PCDHGA2: variants seen among roughly 807,000 people sequenced by gnomAD.
PCDHGA2 encodes the protein protocadherin gamma subfamily A, 2.
Under a neutral mutation model 59.2 loss-of-function variants are expected in PCDHGA2, and 40 were observed. That is an observed-to-expected ratio of 0.68 (90% CI 0.52 to 0.88). The LOEUF (loss-of-function observed/expected upper bound fraction) is 0.88. PCDHGA2 is among the 40% of genes least tolerant of loss of function. The pLI is 0.00. For synonymous variants in PCDHGA2, 560 were observed against 526.0 expected (o/e 1.06, Z -0.89); for missense variants, 1,226 against 1,204.0 (o/e 1.02, Z -0.27).
Position 141,339,911 on chromosome 5 carries a change from T to C in PCDHGA2, c.940T>C (p.Phe314Leu), listed in dbSNP as rs200811046. 4.3e-5 allele frequency: 69 copies of C among 1,614,012 alleles called. No homozygotes were observed. Among genetic ancestry groups the C allele is most frequent in the Non-Finnish European group, 5.3e-5 (62 of 1,180,006 alleles). Residue 314 changes from phenylalanine to leucine, a missense_variant, in exon 1 of 4, where the codon TTC becomes CTC. Coordinates refer to ENST00000394576, the MANE Select transcript of PCDHGA2 (RefSeq NM_018915.4). ...AGATCTAGATTATGAGGATGCTACA[T>C]TCCATGAAATTGATATTGAAGCTCA... ...IKDLDYEDATFHEIDIEAQDG... is the reference protein window; with the variant it reads ...IKDLDYEDATLHEIDIEAQDG...
Position 141,433,059 on chromosome 5 carries a change from A to G in PCDHGA2, c.2425-61748A>G, listed in dbSNP as rs745951077. 1.1e-5 allele frequency: 18 copies of G among 1,614,000 alleles called. No individual in the cohort carries two copies. In the East Asian group the frequency reaches 3.8e-4, roughly 34 times the overall value. On this transcript the variant is annotated intron_variant, in intron 1 of 3. Transcript: ENST00000394576. ...CTCACCACGGACTCGCGGAAGAGTC[A>G]CCTGATCTTCCCCCAGCCCAACTAT...
chr5:141,356,912 G>T (rs376285031), intron 1 of PCDHGA2: 2 of 1,614,130 alleles, frequency 1.2e-6, no homozygotes, highest in South Asian at 1.1e-5. Context: ...CCTACTGATG[G>T]CTCCACTGGT....
At chr5:141,467,103 AGTACAATG>A (rs1438695307) in intron 1 of PCDHGA2, among the ~76,000 whole-genome samples, 1 of 147,462 alleles carries the variant, frequency 6.8e-6, no homozygotes, top group East Asian at 2.0e-4. Flanking sequence ...CACAGGCTGG[AGTACAATG>A]GTGCAATCTC....
At chr5:141,409,276 G>A (rs1458443407) in intron 1 of PCDHGA2, 5 of 1,613,882 alleles carry the variant, frequency 3.1e-6, no homozygotes, top group African/African-American at 2.7e-5. Context: ...AGATTTTGGA[G>A]AATTCACCTC....
intron 1 of PCDHGA2, chr5:141,377,207 A>G (rs1170353646): frequency 6.6e-6 from 1 of 152,122 alleles, no homozygotes; most frequent in Non-Finnish European, 1.5e-5. Context: ...GATTGAGTAC[A>G]TCTCGTTTCT....
At position 141,490,874 on chromosome 5, in the gene PCDHGA2, A is replaced by T. The variant is rs368927472; in HGVS notation, c.2425-3933A>T. 2 of 1,613,948 alleles carry T rather than the reference A, an allele frequency of 1.2e-6. No homozygotes were observed. Among genetic ancestry groups the T allele is most frequent in the Non-Finnish European group, 1.7e-6 (2 of 1,179,952 alleles). On this transcript the variant is annotated intron_variant, in intron 1 of 3. Transcript: ENST00000394576. The surrounding 1 kb of genome is among the most constrained non-coding windows in gnomAD (Gnocchi z 5.4). The stretch of plus-strand genomic sequence containing the variant: ...CGAGACTCCGGCTCTCCCCCATTGC[A>T]TGCCAACACATCTCTGCATGTGTTT...
chr5:141,364,822 G>GA, intron 1 of PCDHGA2: 1 of 1,614,010 alleles, frequency 6.2e-7, no homozygotes, highest in Non-Finnish European at 8.5e-7. Flanking sequence ...ATGTGGGTGT[G>GA]AACTCTCTCC....
intron 2 of PCDHGA2, among the ~76,000 whole-genome samples, chr5:141,498,260 A>C (rs1044675509): frequency 6.6e-6 from 1 of 152,140 alleles, no homozygotes; most frequent in Non-Finnish European, 1.5e-5. Flanking sequence ...GCTGGTGTTG[A>C]GTTCTTCAGT....
chr5:141,433,033 C>A, intron 1 of PCDHGA2: 2 of 1,614,164 alleles, frequency 1.2e-6, no homozygotes, highest in Non-Finnish European at 1.7e-6. Flanking sequence ...ACGAGGTTTC[C>A]CTCACCACGG....
intron 1 of PCDHGA2, chr5:141,442,382 T>C (rs1256682275): frequency 6.6e-6 from 1 of 152,290 alleles, no homozygotes; most frequent in East Asian, 1.9e-4. Flanking sequence ...CTACCAGGTG[T>C]GTGCTTCTCC....
chr5:141,384,247 C>T (rs1779885951), intron 1 of PCDHGA2: 1 of 1,613,912 alleles, frequency 6.2e-7, no homozygotes, highest in Non-Finnish European at 8.5e-7. Flanking sequence ...CGATAACCCA[C>T]CCACCTTCCC....
At chr5:141,382,772 C>G (rs1778420393) in intron 1 of PCDHGA2, 1 of 776,996 alleles carries the variant, frequency 1.3e-6, no homozygotes, top group Non-Finnish European at 2.0e-6. Context: ...CCAGGCTGCA[C>G]TAAACTCAAG....
Position 141,486,178 on chromosome 5 carries a change from C to T in PCDHGA2, c.2425-8629C>T, listed in dbSNP as rs767840363. The T allele has an allele frequency of 1.1e-5, 17 of 1,614,076 alleles. No homozygotes were observed. The highest frequency in any genetic ancestry group is 1.4e-5 in the Non-Finnish European group (16 of 1,180,038). ...CTCCAGCCATGGAGCAACATTGCAG[C>T]CTTCGAGTGGATCTGCTGGACGTAA... On this transcript the variant is annotated intron_variant, in intron 1 of 3. Coordinates refer to ENST00000394576, the MANE Select transcript of PCDHGA2 (RefSeq NM_018915.4). The surrounding 1 kb of genome is among the most constrained non-coding windows in gnomAD (Gnocchi z 5.0).
Position 141,486,058 on chromosome 5 carries a change from G to A in PCDHGA2, c.2425-8749G>A. On this transcript the variant is annotated intron_variant, in intron 1 of 3. Transcript: ENST00000394576. The surrounding 1 kb of genome is among the most constrained non-coding windows in gnomAD (Gnocchi z 5.0). The stretch of plus-strand genomic sequence containing the variant: ...ATCGTGTAAGAAACCTCTTTAGCCT[G>A]CACCCCACTACTGGAAAGCTTACTC... The A allele has an allele frequency of 6.2e-7, 1 of 1,614,122 alleles. No homozygotes were observed. The highest frequency in any genetic ancestry group is 8.5e-7 in the Non-Finnish European group (1 of 1,180,012).
intron 2 of PCDHGA2, among the ~76,000 whole-genome samples, chr5:141,503,081 C>G (rs1354848667): frequency 6.6e-6 from 1 of 151,960 alleles, no homozygotes; most frequent in Non-Finnish European, 1.5e-5. Flanking sequence ...TCTCGATCTC[C>G]TGACCTCGTG....
At position 141,340,959 on chromosome 5, in the gene PCDHGA2, C is replaced by T; in HGVS notation, c.1988C>T (p.Ala663Val). The T allele has an allele frequency of 6.2e-7, 1 of 1,613,904 alleles. No homozygotes were observed. Among genetic ancestry groups the T allele is most frequent in the Non-Finnish European group, 8.5e-7 (1 of 1,179,850 alleles). ...PLSATVTLTV[A>V]VADRIPDILA... Reference sequence around the variant, plus strand: ...TCCGCCACTGTCACGCTCACCGTGGCCGTGGCCGACAGGATCCCCGACATC... The same window carrying T: ...TCCGCCACTGTCACGCTCACCGTGGTCGTGGCCGACAGGATCCCCGACATC... The change falls in exon 1 of 4, where the codon GCC becomes GTC. Residue 663 changes from alanine to valine, a missense_variant. By Grantham distance (64) the Ala-to-Val change is moderately conservative. Transcript: ENST00000394576.
At chr5:141,452,472 A>C (rs995927368) in intron 1 of PCDHGA2, among the ~76,000 whole-genome samples, 6 of 152,170 alleles carry the variant, frequency 3.9e-5, no homozygotes, top group Non-Finnish European at 8.8e-5. Flanking sequence ...AGCTAGGAAA[A>C]ACACACATAA....
chr5:141,376,018 C>G (rs761668305), intron 1 of PCDHGA2: 2 of 1,613,312 alleles, frequency 1.2e-6, no homozygotes, highest in Admixed American at 1.7e-5. Context: ...TAGTGGTGGC[C>G]GTCCAGGACC....
At chr5:141,361,064 A>G in intron 1 of PCDHGA2, 3 of 1,613,918 alleles carry the variant, frequency 1.9e-6, no homozygotes, top group Non-Finnish European at 2.5e-6. Context: ...TTGGATTTTG[A>G]GATTGCAAGT....
Sources: allele counts gnomAD v4.1 joint callset (sites outside exome capture counted in the v4.1 genomes callset), GRCh38; gene constraint gnomAD v4.1.1; non-coding constraint Gnocchi (gnomAD v3.1); transcripts MANE v1.5; gene names NCBI Gene and HGNC (gene_info 2026-07-23, HGNC 2026-07-21).